The following SHC3 variants were observed in gnomAD, a reference collection of about 807,000 sequenced individuals.
SHC3 encodes SHC-transforming protein 3.
Under a neutral mutation model 60.4 loss-of-function variants are expected in SHC3, and 15 were observed. The ratio of observed to expected loss-of-function variants is 0.25; its 90% confidence interval spans 0.17 to 0.38. The LOEUF (loss-of-function observed/expected upper bound fraction) is 0.38. Among genes scored for constraint, SHC3 ranks in the 10% least tolerant of loss-of-function variants. The pLI, the probability that SHC3 is intolerant of heterozygous loss-of-function variation, is 1.00. For missense variants in SHC3, 677 were observed against 786.1 expected (o/e 0.86, Z 1.66); for synonymous variants, 294 against 325.9 (o/e 0.90, Z 1.05).
At chr9:89,146,288 C>T (rs541418770) in intron 1 of SHC3, among the ~76,000 whole-genome samples, 6 of 151,666 alleles carry the variant, frequency 4.0e-5, no homozygotes, top group Non-Finnish European at 8.8e-5. Context: ...ACCTGGGAGG[C>T]GGAGGTTGCA....
chr9:89,177,785 C>T (rs1215203856), intron 1 of SHC3, among the ~76,000 whole-genome samples: 1 of 152,250 alleles, frequency 6.6e-6, no homozygotes, highest in African/African-American at 2.4e-5. Flanking sequence ...AAACCTTTTC[C>T]CAATGGATGC....
At chr9:89,168,177 C>T (rs1394972836) in intron 1 of SHC3, among the ~76,000 whole-genome samples, 1 of 152,200 alleles carries the variant, frequency 6.6e-6, no homozygotes, top group Non-Finnish European at 1.5e-5. Flanking sequence ...AAATGTTTCT[C>T]TATTTGGGTC....
rs1023906370 is a variant in SHC3 at position 89,038,226 on chromosome 9, C to T, written c.1423G>A (p.Val475Met). ...GGTGACACAGGGCTGATGCACTCCACGGAGGCTGCCTTGCTTAACACGGGC... is the reference window on the plus strand; with the variant it reads ...GGTGACACAGGGCTGATGCACTCCATGGAGGCTGCCTTGCTTAACACGGGC... ...LGPVLSKAAS[V>M]ECISPVSPRA... is the part of the protein sequence containing the mutation. Residue 475 changes from valine to methionine, a missense_variant, in exon 11 of 12, where the codon GTG (valine) becomes ATG (methionine). Physicochemically the swap from Val to Met is conservative, Grantham distance 21. Transcript: ENST00000375835. 3.3e-5 allele frequency: 53 copies of T among 1,613,900 alleles called. No individual in the cohort carries two copies. The highest frequency in any genetic ancestry group is 8.9e-5 in the East Asian group (4 of 44,888).
intron 11 of SHC3, among the ~76,000 whole-genome samples, chr9:89,036,976 A>G (rs901687067): frequency 2.0e-5 from 3 of 151,790 alleles, no homozygotes; most frequent in South Asian, 2.1e-4. Context: ...AAAAAAAAAA[A>G]AAGAAGGTGG....
chr9:89,094,103 CAAA>C (rs1160433992), intron 2 of SHC3, among the ~76,000 whole-genome samples: 8 of 73,044 alleles, frequency 1.1e-4, no homozygotes, highest in African/African-American at 1.0e-4. Context: ...GACTCTGTCT[CAAA>C]AAAAAAAAAA....
chr9:89,079,880 A>G (rs1825418051), intron 2 of SHC3, among the ~76,000 whole-genome samples: 1 of 152,222 alleles, frequency 6.6e-6, no homozygotes, highest in Non-Finnish European at 1.5e-5. Context: ...GGAGTTTTCA[A>G]ATGAAACTGC....
intron 11 of SHC3, among the ~76,000 whole-genome samples, chr9:89,018,192 G>A (rs114149572): frequency 1.2e-3 from 188 of 152,260 alleles, no homozygotes; most frequent in African/African-American, 4.3e-3. Flanking sequence ...CCATGCACAC[G>A]TGCGTTTATT....
intron 11 of SHC3, among the ~76,000 whole-genome samples, chr9:89,023,835 T>G (rs555849665): frequency 6.6e-6 from 1 of 152,324 alleles, no homozygotes; most frequent in Admixed American, 6.5e-5. Context: ...ATATCCTTCC[T>G]CATTTTTAAA....
At chr9:89,087,833 A>G (rs1379379964) in intron 2 of SHC3, among the ~76,000 whole-genome samples, 2 of 152,222 alleles carry the variant, frequency 1.3e-5, no homozygotes, top group East Asian at 3.8e-4. Context: ...CAGGCAAGGC[A>G]GACCAGCATT....
intron 1 of SHC3, among the ~76,000 whole-genome samples, chr9:89,133,418 C>T (rs142860200): frequency 0.013 from 2,030 of 152,232 alleles, 20 homozygotes; most frequent in South Asian, 0.034. Context: ...TAGGTATATA[C>T]CCAAAGGATT....
intron 11 of SHC3, among the ~76,000 whole-genome samples, chr9:89,031,454 A>AT (rs1824491189): frequency 6.6e-6 from 1 of 151,928 alleles, no homozygotes; most frequent in African/African-American, 2.4e-5. Flanking sequence ...GTCTCTGTAG[A>AT]TTTTTTCATC....
intron 2 of SHC3, among the ~76,000 whole-genome samples, chr9:89,105,487 T>C (rs1564147118): frequency 1.3e-5 from 2 of 152,196 alleles, no homozygotes; most frequent in Non-Finnish European, 2.9e-5. Context: ...ACTGGATCAT[T>C]TCATCTATAA....
At chr9:89,148,958 C>G (rs556288700) in intron 1 of SHC3, among the ~76,000 whole-genome samples, 11 of 152,212 alleles carry the variant, frequency 7.2e-5, no homozygotes, top group Non-Finnish European at 1.6e-4. Context: ...TGGAGTCATA[C>G]AGCCCTCAGT....
intron 6 of SHC3, among the ~76,000 whole-genome samples, chr9:89,052,802 C>T (rs1824882695): frequency 6.6e-6 from 1 of 152,180 alleles, no homozygotes; most frequent in African/African-American, 2.4e-5. Flanking sequence ...GTTATTCATG[C>T]AGATTCTCAG....
At chr9:89,050,495 A>T (rs900550402) in intron 7 of SHC3, among the ~76,000 whole-genome samples, 13 of 152,204 alleles carry the variant, frequency 8.5e-5, no homozygotes, top group African/African-American at 3.1e-4. Context: ...TCTGTTGGCC[A>T]GGCTGGTCTT....
chr9:89,037,961 C>A (rs572901403), intron 11 of SHC3, 32 bp downstream of exon 11: 32 of 1,596,494 alleles, frequency 2.0e-5, no homozygotes, highest in Non-Finnish European at 2.5e-5. Context: ...CACCCACTGG[C>A]AGGTCCGGCC....
At chr9:89,066,119 G>A (rs1297593654) in intron 5 of SHC3, among the ~76,000 whole-genome samples, 1 of 152,120 alleles carries the variant, frequency 6.6e-6, no homozygotes, top group African/African-American at 2.4e-5. Flanking sequence ...AATTTGAGCT[G>A]GTATCAGAAT....
At chr9:89,157,809 A>T (rs1395025729) in intron 1 of SHC3, among the ~76,000 whole-genome samples, 1 of 152,010 alleles carries the variant, frequency 6.6e-6, no homozygotes, top group Admixed American at 6.6e-5. Flanking sequence ...TTTTGCAGAA[A>T]TAGGATCTGG....
In SHC3 at chr9:89,045,938, G is replaced by A. The variant is rs575744855; in HGVS notation, c.1114-105C>T. The A allele has an allele frequency of 2.2e-4, 243 of 1,092,714 alleles. 1 individual carries two copies. Among genetic ancestry groups the A allele is most frequent in the South Asian group, 8.4e-4 (59 of 70,628 alleles). 67.7% of individuals were successfully genotyped at this position (1,092,714 alleles called of 1,614,324 possible). On this transcript the variant is annotated intron_variant, in intron 8 of 11. Transcript: ENST00000375835. ...GGCGAGTTGATCCTTAAGGTGGTTC[G>A]CATCCTCTGTTACACCCAATTTTCC...
Sources: gnomAD v4.1 joint callset for allele counts (sites outside exome capture counted in the v4.1 genomes callset) on GRCh38, gnomAD v4.1.1 for gene constraint, MANE v1.5 for transcripts, NCBI Gene and HGNC (gene_info 2026-07-23, HGNC 2026-07-21) for gene names.